Variants in STARD13 observed in about 807,000 individuals in gnomAD.
The protein encoded by STARD13 is StAR related lipid transfer domain containing 13.
Under a neutral mutation model 106.4 loss-of-function variants are expected in STARD13, and 62 were observed. That is an observed-to-expected ratio of 0.58 (90% CI 0.48 to 0.72). The LOEUF (loss-of-function observed/expected upper bound fraction) is 0.72, where lower values mean the gene tolerates loss of function less well. Ranked by LOEUF, STARD13 falls within the 30% of genes least tolerant of loss-of-function variation. The probability of loss-of-function intolerance (pLI) is 0.00; values close to 1 mark genes in which losing one functional copy is unlikely to be tolerated. For synonymous variants in STARD13, 565 were observed against 553.0 expected (o/e 1.02, Z -0.31); for missense variants, 1,387 against 1,424.0 (o/e 0.97, Z 0.42).
chr13:33,424,168 A>C, the STARD13 span, among the ~76,000 whole-genome samples: 27 of 152,252 alleles, frequency 1.8e-4, no homozygotes, highest in African/African-American at 6.3e-4. Context: ...AAAACAAAAA[A>C]CAAAAACCCC....
At chr13:33,181,235 T>C (rs1885197466) in intron 1 of STARD13, among the ~76,000 whole-genome samples, 2 of 150,484 alleles carry the variant, frequency 1.3e-5, no homozygotes, top group African/African-American at 2.5e-5. Flanking sequence ...TTTGGAGACA[T>C]AGATATTCTA....
At chr13:33,272,673 G>C (rs536123111) in intron 1 of STARD13, 1 of 152,156 alleles carries the variant, frequency 6.6e-6, no homozygotes, top group Non-Finnish European at 1.5e-5. Flanking sequence ...AAGGAAAGGT[G>C]ACTGACAGCT....
intron 1 of STARD13, among the ~76,000 whole-genome samples, chr13:33,313,523 T>C (rs544559328): frequency 3.3e-5 from 5 of 152,284 alleles, no homozygotes; most frequent in African/African-American, 1.2e-4. Context: ...CTACCTAGAT[T>C]TAAACATTCT....
the STARD13 span, among the ~76,000 whole-genome samples, chr13:33,418,696 C>T: frequency 1.3e-5 from 2 of 152,208 alleles, no homozygotes. Flanking sequence ...TAGGGGCCAA[C>T]AGACACCTCA....
At chr13:33,274,179 T>C (rs1424068088) in intron 1 of STARD13, 3 of 152,024 alleles carry the variant, frequency 2.0e-5, no homozygotes, top group South Asian at 2.1e-4. Context: ...CTCAAATTCA[T>C]GTGTTGAAGT....
At chr13:33,226,963 T>C (rs1888657942) in intron 1 of STARD13, among the ~76,000 whole-genome samples, 1 of 152,236 alleles carries the variant, frequency 6.6e-6, no homozygotes, top group African/African-American at 2.4e-5. Context: ...ATGGCATATG[T>C]ATATTCATTC....
chr13:33,646,016 T>C, the STARD13 span, among the ~76,000 whole-genome samples: 1 of 152,164 alleles, frequency 6.6e-6, no homozygotes, highest in Non-Finnish European at 1.5e-5. Flanking sequence ...CACAGGCTAT[T>C]GTCACAGAGA....
At chr13:33,253,659 G>A (rs745856337) in intron 1 of STARD13, among the ~76,000 whole-genome samples, 18 of 152,164 alleles carry the variant, frequency 1.2e-4, no homozygotes, top group Admixed American at 6.5e-4. Flanking sequence ...GCTGACAGCT[G>A]TACAGCTGTG....
At chr13:33,442,522 A>C in the STARD13 span, among the ~76,000 whole-genome samples, 23 of 152,296 alleles carry the variant, frequency 1.5e-4, no homozygotes, top group African/African-American at 5.3e-4. Flanking sequence ...AGGTAAACAG[A>C]GTTTGAATTT....
intron 1 of STARD13, among the ~76,000 whole-genome samples, chr13:33,182,018 A>G (rs1004491626): frequency 3.9e-5 from 6 of 152,250 alleles, no homozygotes; most frequent in African/African-American, 1.4e-4. Context: ...AACCATAGAA[A>G]AAGAATATCC....
intron 1 of STARD13, among the ~76,000 whole-genome samples, chr13:33,295,521 T>C (rs1285972341): frequency 6.6e-6 from 1 of 152,220 alleles, no homozygotes; most frequent in Admixed American, 6.5e-5. Context: ...TCCTTTACCC[T>C]TTTTTATTCA....
intron 1 of STARD13, among the ~76,000 whole-genome samples, chr13:33,324,128 C>T (rs1893656559): frequency 6.6e-6 from 1 of 152,188 alleles, no homozygotes; most frequent in African/African-American, 2.4e-5. Flanking sequence ...AAATTTAGCA[C>T]TCTAAGATGC....
the STARD13 span, among the ~76,000 whole-genome samples, chr13:33,613,753 C>A: frequency 6.6e-6 from 1 of 152,102 alleles, no homozygotes; most frequent in Non-Finnish European, 1.5e-5. Flanking sequence ...GGGAGCCACT[C>A]GGATAGTGAC....
chr13:33,642,011 C>G, the STARD13 span, among the ~76,000 whole-genome samples: 1 of 152,202 alleles, frequency 6.6e-6, no homozygotes, highest in Non-Finnish European at 1.5e-5. Context: ...ATTCTAGACT[C>G]TAGGCTCTTT....
intron 1 of STARD13, among the ~76,000 whole-genome samples, chr13:33,323,401 C>A (rs541950105): frequency 6.6e-6 from 1 of 152,204 alleles, no homozygotes; most frequent in Admixed American, 6.5e-5. Flanking sequence ...CCCTGCTATA[C>A]TCTGATCGCA....
rs560753957 is a variant in STARD13, at chr13:33,200,804, G to A, written c.170-33182C>T. Among the ~76,000 whole-genome samples, 3 of 152,116 alleles carry A rather than the reference G, an allele frequency of 2.0e-5. No homozygotes were observed. In the East Asian group the frequency reaches 5.8e-4, roughly 30 times the overall value. ...TGGGAGGCCAAGGTGGGCAGATCAC[G>A]AGGTCAGGAGATTGAGACCATCCTG... is the stretch of plus-strand genomic sequence containing the variant. On this transcript the variant is annotated intron_variant, in intron 1 of 13. Coordinates refer to ENST00000336934, the MANE Select transcript of STARD13 (RefSeq NM_178006.4).
the STARD13 span, among the ~76,000 whole-genome samples, chr13:33,529,718 T>C: frequency 3.3e-5 from 5 of 152,182 alleles, no homozygotes; most frequent in Admixed American, 2.6e-4. Flanking sequence ...GAAGTGTTCA[T>C]AGAGGTGGTA....
rs74364574 is a variant in STARD13 at position 33,145,815 on chromosome 13, C to A, written c.324-3442G>T. Among the ~76,000 whole-genome samples the A allele has an allele frequency of 1.1e-3, 160 of 152,246 alleles. 1 individual carries two copies. The highest frequency in any genetic ancestry group is 3.7e-3 in the African/African-American group (152 of 41,536). ...CTCATCAAAAAAATTTCAGGCAAGG[C>A]AAAACTGTAGTGACAGGAAACAGAT... On this transcript the variant is annotated intron_variant, in intron 3 of 13. Transcript: ENST00000336934.
In STARD13 at chr13:33,106,858, G is replaced by A; in HGVS notation, c.3124C>T (p.Leu1042=). ...LSVEHEEAQL[L]GGVRAVVMDS... ...ATCACCACTGCTCGCACACCACCCA[G>A]GAGCTGGGCTTCCTCATGCTCCACG... The change falls in exon 13 of 14, where the codon CTG becomes TTG. Residue 1042 remains leucine (L), a synonymous_variant. Transcript: ENST00000336934. 1.2e-6 allele frequency: 2 copies of A among 1,614,194 alleles called. No homozygotes were observed. The highest frequency in any genetic ancestry group is 2.2e-5 in the South Asian group (2 of 91,072).
Sources: gnomAD v4.1 joint callset for allele counts (sites outside exome capture counted in the v4.1 genomes callset) on GRCh38, gnomAD v4.1.1 for gene constraint, MANE v1.5 for transcripts, NCBI Gene and HGNC (gene_info 2026-07-23, HGNC 2026-07-21) for gene names.